Variants in NBPF19 observed in about 807,000 individuals in gnomAD.
The protein encoded by NBPF19 is NBPF family member NBPF19.
Under a neutral mutation model 45.9 loss-of-function variants are expected in NBPF19, and 30 were observed. The observed-to-expected ratio is 0.65, with a 90% CI of 0.49 to 0.89. NBPF19 has a LOEUF of 0.89. Among genes scored for constraint, NBPF19 ranks in the 40% least tolerant of loss-of-function variants. The probability of loss-of-function intolerance (pLI) is 0.00; values close to 1 mark genes in which losing one functional copy is unlikely to be tolerated. For synonymous variants in NBPF19, 183 were observed against 181.2 expected (o/e 1.01, Z -0.08); for missense variants, 495 against 471.8 (o/e 1.05, Z -0.46).
chr1:149,521,078 CTG>C, intron 51 of NBPF19, among the ~76,000 whole-genome samples: 1 of 80,006 alleles, frequency 1.2e-5, no homozygotes. Flanking sequence ...CTCTCTGTCT[CTG>C]TCTCTGTCTC....
At chr1:149,482,617 T>C (rs1174044018) in intron 7 of NBPF19, among the ~76,000 whole-genome samples, 4 of 152,248 alleles carry the variant, frequency 2.6e-5, no homozygotes, top group Admixed American at 6.5e-5. Context: ...GTTATTTTAA[T>C]TGTGATGTTA....
intron 8 of NBPF19, among the ~76,000 whole-genome samples, 195 bp from the exon 9 acceptor site, chr1:149,487,137 T>C (rs1370088339): frequency 2.1e-5 from 3 of 140,072 alleles, no homozygotes; most frequent in African/African-American, 7.4e-5. Context: ...ACAGGGGAAT[T>C]TTGCCCAAGG....
Position 149,478,393 on chromosome 1 carries a change from C to A in NBPF19, c.278+346C>A, listed in dbSNP as rs1321826342. 4.7e-3 allele frequency among the ~76,000 whole-genome samples: 709 copies of A among 151,336 alleles called. 26 individuals are homozygous for A. Among genetic ancestry groups the A allele is most frequent in the Non-Finnish European group, 7.7e-3 (521 of 67,614 alleles). On this transcript the variant is annotated intron_variant, in intron 3 of 93. Transcript: ENST00000651566. Reference sequence around the variant, plus strand: ...CACTTACCCTTAGTGAGAATCACCTCCTGACTGACTGCGTCTTCTCATTCT... The same window carrying A: ...CACTTACCCTTAGTGAGAATCACCTACTGACTGACTGCGTCTTCTCATTCT...
chr1:149,491,035 T>A (rs2085847990), intron 13 of NBPF19, 104 bp from the exon 14 acceptor site: 1 of 429,786 alleles, frequency 2.3e-6, no homozygotes. Context: ...GATCTATCCT[T>A]TTACTTTCTT....
intron 45 of NBPF19, among the ~76,000 whole-genome samples, chr1:149,516,347 C>T (rs2086491054): frequency 8.1e-6 from 1 of 123,098 alleles, no homozygotes; most frequent in Non-Finnish European, 1.8e-5. Context: ...CTCTCTCTGT[C>T]TCTGTCTCTC....
At chr1:149,527,462 A>C (rs1451085131) in intron 59 of NBPF19, among the ~76,000 whole-genome samples, 152 bp from the exon 60 acceptor site, 3 of 58,150 alleles carry the variant, frequency 5.2e-5, no homozygotes, top group Admixed American at 1.5e-4. Flanking sequence ...GCCCTGGTCT[A>C]TCCCAACATA....
intron 8 of NBPF19, 100 bp from the exon 9 acceptor site, chr1:149,487,232 C>T (rs9438344): frequency 2.4e-6 from 2 of 836,692 alleles, no homozygotes; most frequent in South Asian, 1.3e-5. Context: ...TGTTCTCACA[C>T]TGACAAGACT....
rs1231893573 is a variant in NBPF19, at chr1:149,554,481, G to A, written c.11289-14G>A. 27 of 1,607,370 alleles carry A rather than the reference G, an allele frequency of 1.7e-5. 1 individual carries two copies. Among genetic ancestry groups the A allele is most frequent in the Non-Finnish European group, 2.0e-5 (23 of 1,176,574 alleles). On this transcript the variant is annotated splice_polypyrimidine_tract_variant and intron_variant, in intron 93 of 93. Coordinates refer to ENST00000651566, the MANE Select transcript of NBPF19 (RefSeq NM_001351365.2). ...TTTCCCTGGCTGCTTCTTTAGTTTT[G>A]TCTCCTTTTCCAGGCTCAACAGCGT...
At chr1:149,487,879 T>A (rs1356173359) in intron 9 of NBPF19, 134 bp from the exon 10 acceptor site, 1 of 713,558 alleles carries the variant, frequency 1.4e-6, no homozygotes. Context: ...ATAAAGGCAA[T>A]AATTTGTTAC....
At chr1:149,554,131 G>C (rs1259529682) in intron 93 of NBPF19, among the ~76,000 whole-genome samples, 14 of 139,040 alleles carry the variant, frequency 1.0e-4, no homozygotes, top group Non-Finnish European at 1.9e-4. Flanking sequence ...ATCGAATTTT[G>C]AGCATATTTT....
Position 149,554,613 on chromosome 1 carries a change from AG to A in NBPF19, c.11408del (p.Ser3803MetfsTer24), listed in dbSNP as rs2087199280. 2 of 1,608,160 alleles carry A rather than the reference AG, an allele frequency of 1.2e-6. No homozygotes were observed. The highest frequency in any genetic ancestry group is 2.7e-5 in the African/African-American group (2 of 74,644). On this transcript the variant is annotated frameshift_variant, in exon 94 of 94. Transcript: ENST00000651566. LOFTEE classifies it low-confidence loss of function (END_TRUNC). ...ACCTGACTCATTCCAGCACTACAGAAGTGTGTTTTACTCATTTGAGGAAGAG... is the reference window on the plus strand; with the variant it reads ...ACCTGACTCATTCCAGCACTACAGAATGTGTTTTACTCATTTGAGGAAGAG... ...ELPDSFQHYRSVFYSFEEEHI... is the reference protein window; with the variant it reads ...ELPDSFQHYRXVFYSFEEEHI...
rs1238724528 is a variant in NBPF19, at chr1:149,488,018, G to A, written c.1046G>A (p.Ser349Asn). ...ACTTTTTCCCACTTTTCCAGGCTCAGCAGGGAGCTGCTGGATGAGAAAGGG... is the reference window on the plus strand; with the variant it reads ...ACTTTTTCCCACTTTTCCAGGCTCAACAGGGAGCTGCTGGATGAGAAAGGG... ...EDQEATGPRLSRELLDEKGPE... is the reference protein window; with the variant it reads ...EDQEATGPRLNRELLDEKGPE... The change falls in exon 10 of 94, where the codon AGC (serine) becomes AAC (asparagine). Residue 349 changes from serine to asparagine, a missense_variant. Coordinates refer to ENST00000651566, the MANE Select transcript of NBPF19 (RefSeq NM_001351365.2). The A allele has an allele frequency of 8.7e-6, 6 of 687,172 alleles. No individual in the cohort carries two copies. The highest frequency in any genetic ancestry group is 3.8e-5 in the African/African-American group (2 of 53,024). 42.6% of individuals were successfully genotyped at this position (687,172 alleles called of 1,614,324 possible).
intron 9 of NBPF19, among the ~76,000 whole-genome samples, chr1:149,487,592 T>A (rs1170951404): frequency 6.6e-6 from 1 of 150,932 alleles, no homozygotes; most frequent in South Asian, 2.1e-4. Flanking sequence ...TAGTGAAAGT[T>A]GACCATACCT....
chr1:149,483,437 A>G (rs1258535153), intron 7 of NBPF19, among the ~76,000 whole-genome samples: 48 of 74,828 alleles, frequency 6.4e-4, no homozygotes, highest in Non-Finnish European at 9.5e-4. Context: ...TGCATGTGAG[A>G]TGGGTTTCCT....
chr1:149,484,399 A>G (rs1300047504), intron 7 of NBPF19, among the ~76,000 whole-genome samples: 1 of 139,978 alleles, frequency 7.1e-6, no homozygotes, highest in Non-Finnish European at 1.5e-5. Flanking sequence ...CTAATGCTAA[A>G]TGATGAGTTA....
At chr1:149,495,655 C>CTGTG (rs1286072376) in intron 19 of NBPF19, among the ~76,000 whole-genome samples, 6 of 42,150 alleles carry the variant, frequency 1.4e-4, no homozygotes, top group South Asian at 1.8e-3. Flanking sequence ...CTCTCTCTCT[C>CTGTG]TGTGTGTGTG....
chr1:149,490,714 A>C lies in NBPF19; in HGVS notation c.1490+220A>C, dbSNP rs2085807576. 2.3e-4 allele frequency among the ~76,000 whole-genome samples: 12 copies of C among 52,076 alleles called. 3 individuals carry two copies. The South Asian group carries it at 0.012, about 53-fold the overall frequency. 34.2% of individuals were successfully genotyped at this position (52,076 alleles called of 152,430 possible). A position where few individuals can be genotyped will look rare whatever the true frequency, so the allele number is the denominator to read the frequency against. ...CCTACTGTAGGTGGACCAGACTTCA[A>C]AAACTGTATTCTCATGGCGACTGCA... On this transcript the variant is annotated intron_variant, in intron 13 of 93. Coordinates refer to ENST00000651566, the MANE Select transcript of NBPF19 (RefSeq NM_001351365.2).
chr1:149,521,126 C>G (rs1293037327), intron 51 of NBPF19, among the ~76,000 whole-genome samples, 193 bp from the exon 52 acceptor site: 1 of 83,742 alleles, frequency 1.2e-5, no homozygotes, highest in Non-Finnish European at 2.6e-5. Context: ...CTCTCTCTCT[C>G]TGTCTTTCTC....
In NBPF19 at chr1:149,486,392, C is replaced by T. The variant is rs2085499031; in HGVS notation, c.988+99C>T. 6.0e-6 allele frequency: 4 copies of T among 662,014 alleles called. No individual in the cohort carries two copies. The Admixed American group carries it at 8.6e-5, about 14-fold the overall frequency. 41.0% of individuals were successfully genotyped at this position (662,014 alleles called of 1,614,324 possible). A position where few individuals can be genotyped will look rare whatever the true frequency, so the allele number is the denominator to read the frequency against. On this transcript the variant is annotated intron_variant, in intron 8 of 93. Transcript: ENST00000651566. The stretch of plus-strand genomic sequence containing the variant: ...TGCCCCTTGTTGGGCTGAGATTTGC[C>T]ATCACCGTGGGCTGAACCTATATAT...
Sources: gnomAD v4.1 joint callset for allele counts (sites outside exome capture counted in the v4.1 genomes callset) on GRCh38, gnomAD v4.1.1 for gene constraint, MANE v1.5 for transcripts, NCBI Gene and HGNC (gene_info 2026-07-23, HGNC 2026-07-21) for gene names.